Variants in SMYD3 observed in about 807,000 individuals in gnomAD.
SMYD3 encodes the protein histone-lysine N-methyltransferase SMYD3.
Under a neutral mutation model 57.7 loss-of-function variants are expected in SMYD3, and 36 were observed. That is an observed-to-expected ratio of 0.62 (90% confidence interval 0.48 to 0.82). The LOEUF (loss-of-function observed/expected upper bound fraction) is 0.82, where lower values mean the gene tolerates loss of function less well. Ranked by LOEUF, SMYD3 falls within the 40% of genes least tolerant of loss-of-function variation. The pLI is 0.00. For missense variants in SMYD3, 515 were observed against 538.8 expected, an observed-to-expected ratio of 0.96 and a Z score of 0.44; for synonymous variants, 211 against 195.0, an observed-to-expected ratio of 1.08 and a Z score of -0.68.
intron 10 of SMYD3, among the ~76,000 whole-genome samples, chr1:245,850,019 A>G (rs893437824): frequency 1.7e-4 from 26 of 152,094 alleles, no homozygotes; most frequent in Non-Finnish European, 3.5e-4. Flanking sequence ...GCCAGGGAAG[A>G]GTATAAAAAT....
At chr1:246,187,902 A>C (rs1199454248) in intron 5 of SMYD3, among the ~76,000 whole-genome samples, 2 of 151,834 alleles carry the variant, frequency 1.3e-5, no homozygotes, top group Non-Finnish European at 1.5e-5. Flanking sequence ...CCCTAAGAAC[A>C]GTTCTCTTCA....
intron 5 of SMYD3, among the ~76,000 whole-genome samples, chr1:246,050,480 A>T (rs1212973447): frequency 2.0e-5 from 3 of 152,246 alleles, no homozygotes; most frequent in Admixed American, 6.5e-5. Flanking sequence ...AACAATCTCT[A>T]TCACTGTTGA....
chr1:246,083,213 C>T (rs939861240), intron 5 of SMYD3, among the ~76,000 whole-genome samples: 2 of 152,004 alleles, frequency 1.3e-5, no homozygotes, highest in Non-Finnish European at 2.9e-5. Flanking sequence ...TGGAATGTCT[C>T]CGTGTAAAAC....
At chr1:245,877,323 G>A (rs1270460922) in intron 8 of SMYD3, among the ~76,000 whole-genome samples, 2 of 152,208 alleles carry the variant, frequency 1.3e-5, no homozygotes, top group Admixed American at 6.5e-5. Context: ...GGAAAGGGGT[G>A]GAGATAAAGG....
At chr1:246,223,979 G>C (rs7549127) in intron 5 of SMYD3, among the ~76,000 whole-genome samples, 13,357 of 152,074 alleles carry the variant, frequency 0.088, 1,034 homozygotes, top group East Asian at 0.24. Context: ...TCATTTTCAA[G>C]ACTTCTCATC....
intron 1 of SMYD3, among the ~76,000 whole-genome samples, chr1:246,396,579 A>G (rs2066676974): frequency 6.6e-6 from 1 of 151,804 alleles, no homozygotes; most frequent in African/African-American, 2.4e-5. Flanking sequence ...GTGCTTTCAT[A>G]TACTCAATGA....
intron 5 of SMYD3, among the ~76,000 whole-genome samples, chr1:246,255,975 T>TAGAC (rs1283409026): frequency 0.044 from 6,001 of 135,888 alleles, 226 homozygotes; most frequent in East Asian, 0.14. Context: ...GATAGATAGA[T>TAGAC]AGATAGATAG....
At chr1:245,790,531 C>G (rs1391712004) in intron 10 of SMYD3, among the ~76,000 whole-genome samples, 5 of 152,184 alleles carry the variant, frequency 3.3e-5, no homozygotes. Flanking sequence ...TACTTGGCTC[C>G]AAACCAGGCA....
chr1:246,464,454 T>C (rs994690248), intron 1 of SMYD3, among the ~76,000 whole-genome samples: 1 of 151,962 alleles, frequency 6.6e-6, no homozygotes, highest in African/African-American at 2.4e-5. Context: ...GAGGCGGAGG[T>C]TGCAGTGAGC....
intron 5 of SMYD3, among the ~76,000 whole-genome samples, chr1:246,052,280 G>C (rs2060078054): frequency 6.6e-6 from 1 of 152,134 alleles, no homozygotes; most frequent in Non-Finnish European, 1.5e-5. Flanking sequence ...AGAGATGCAG[G>C]GAACGATGAT....
chr1:246,320,750 T>G (rs1220074838), intron 5 of SMYD3, among the ~76,000 whole-genome samples: 6 of 152,192 alleles, frequency 3.9e-5, no homozygotes, highest in Admixed American at 1.3e-4. Context: ...ATCTTTTATG[T>G]GCATAAAAAA....
chr1:246,252,469 C>G (rs2063813247), intron 5 of SMYD3, among the ~76,000 whole-genome samples: 1 of 152,112 alleles, frequency 6.6e-6, no homozygotes. Flanking sequence ...GTCACATAGA[C>G]AGTAAGCAGT....
At chr1:245,875,675 A>G (rs1256206529) in intron 8 of SMYD3, among the ~76,000 whole-genome samples, 1 of 152,188 alleles carries the variant, frequency 6.6e-6, no homozygotes, top group East Asian at 1.9e-4. Context: ...GAATGCTACG[A>G]TGCCAGTCAC....
chr1:246,054,553 G>T (rs1367795934), intron 5 of SMYD3, among the ~76,000 whole-genome samples: 1 of 152,084 alleles, frequency 6.6e-6, no homozygotes, highest in African/African-American at 2.4e-5. Context: ...TAAACAGAAA[G>T]GAATGAATTA....
At chr1:245,761,726 T>C (rs2045850216) in intron 11 of SMYD3, among the ~76,000 whole-genome samples, 2 of 151,666 alleles carry the variant, frequency 1.3e-5, no homozygotes, top group Admixed American at 1.3e-4. Flanking sequence ...GTTTCTGGCC[T>C]GGATTTAATG....
chr1:246,001,588 C>T (rs958526778), intron 5 of SMYD3, among the ~76,000 whole-genome samples: 72 of 152,222 alleles, frequency 4.7e-4, no homozygotes, highest in African/African-American at 1.6e-3. Context: ...GCTGGCTCTG[C>T]GAGCTGTGGT....
chr1:246,105,849 C>T (rs1299178580), intron 5 of SMYD3, among the ~76,000 whole-genome samples: 1 of 152,204 alleles, frequency 6.6e-6, no homozygotes, highest in Non-Finnish European at 1.5e-5. Flanking sequence ...TCTATTTTTG[C>T]ATGGCTGCCA....
At chr1:245,796,859 A>C (rs2047543773) in intron 10 of SMYD3, among the ~76,000 whole-genome samples, 1 of 152,212 alleles carries the variant, frequency 6.6e-6, no homozygotes, top group South Asian at 2.1e-4. Flanking sequence ...GGGAAGGCTC[A>C]GCATTTTTTT....
chr1:246,009,640 C>T (rs537393849), intron 5 of SMYD3, among the ~76,000 whole-genome samples: 3 of 152,014 alleles, frequency 2.0e-5, no homozygotes, highest in African/African-American at 7.2e-5. Context: ...CTGCAGATGG[C>T]CAGAGCCGTA....
Sources: allele counts gnomAD v4.1 joint callset (sites outside exome capture counted in the v4.1 genomes callset), GRCh38; gene constraint gnomAD v4.1.1; transcripts MANE v1.5; gene names NCBI Gene and HGNC (gene_info 2026-07-23, HGNC 2026-07-21).